The following LRRC4C variants were observed in gnomAD, a reference collection of about 807,000 sequenced individuals.
LRRC4C encodes the protein leucine rich repeat containing 4C.
Under a neutral mutation model 33.6 loss-of-function variants are expected in LRRC4C, and 5 were observed. That is an observed-to-expected ratio of 0.15 (90% CI 0.08 to 0.31). The LOEUF is 0.31. Among genes scored for constraint, LRRC4C ranks in the 10% least tolerant of loss-of-function variants. The pLI, the probability that LRRC4C is intolerant of heterozygous loss-of-function variation, is 1.00. For missense variants in LRRC4C, 560 were observed against 796.7 expected, an observed-to-expected ratio of 0.70 and a Z score of 3.58; for synonymous variants, 329 against 302.0, an observed-to-expected ratio of 1.09 and a Z score of -0.93.
intron 1 of LRRC4C, among the ~76,000 whole-genome samples, chr11:41,346,660 A>T (rs1426001548): frequency 6.6e-6 from 1 of 152,242 alleles, no homozygotes; most frequent in East Asian, 1.9e-4. Context: ...AAAATACTGC[A>T]AATGCACTCC....
intron 1 of LRRC4C, among the ~76,000 whole-genome samples, chr11:41,013,689 T>C (rs1262014128): frequency 6.6e-6 from 1 of 152,210 alleles, no homozygotes. Flanking sequence ...GATCACTGTC[T>C]GGTGTCTCAT....
intron 2 of LRRC4C, among the ~76,000 whole-genome samples, chr11:40,746,912 G>A (rs942573856): frequency 1.3e-5 from 2 of 152,186 alleles, no homozygotes; most frequent in African/African-American, 2.4e-5. Flanking sequence ...AGGAGCCAGA[G>A]GGTCATCCTG....
At chr11:40,915,239 T>C (rs1429570645) in intron 2 of LRRC4C, among the ~76,000 whole-genome samples, 1 of 152,070 alleles carries the variant, frequency 6.6e-6, no homozygotes, top group Non-Finnish European at 1.5e-5. Flanking sequence ...TATTGCCAAG[T>C]CAATCCTGAG....
intron 1 of LRRC4C, among the ~76,000 whole-genome samples, chr11:41,436,268 G>A (rs1014235253): frequency 1.2e-4 from 19 of 152,308 alleles, no homozygotes; most frequent in African/African-American, 4.6e-4. Context: ...ATAGTAATTA[G>A]TAATACTTTG....
intron 1 of LRRC4C, among the ~76,000 whole-genome samples, chr11:41,102,396 A>G (rs553158013): frequency 9.2e-5 from 14 of 152,224 alleles, no homozygotes; most frequent in African/African-American, 3.4e-4. Flanking sequence ...AAAGAAAAAG[A>G]TTAAGTAGTT....
At chr11:40,366,122 A>AT (rs1338134902) in intron 3 of LRRC4C, among the ~76,000 whole-genome samples, 39 of 152,112 alleles carry the variant, frequency 2.6e-4, no homozygotes, top group African/African-American at 7.7e-4. Context: ...ACAAAGTTAG[A>AT]TTTTTCCTAA....
At chr11:40,539,494 T>A (rs527311388) in intron 3 of LRRC4C, among the ~76,000 whole-genome samples, 1 of 152,264 alleles carries the variant, frequency 6.6e-6, no homozygotes, top group African/African-American at 2.4e-5. Flanking sequence ...GCTCTATCAT[T>A]TTTTTTCAGT....
intron 1 of LRRC4C, among the ~76,000 whole-genome samples, chr11:41,211,654 T>C (rs1185797518): frequency 6.6e-6 from 1 of 152,190 alleles, no homozygotes; most frequent in African/African-American, 2.4e-5. Context: ...ACAAAGGACA[T>C]GAAGTCATCA....
At chr11:41,220,421 G>T (rs1455237112) in intron 1 of LRRC4C, among the ~76,000 whole-genome samples, 1 of 151,516 alleles carries the variant, frequency 6.6e-6, no homozygotes, top group Non-Finnish European at 1.5e-5. Context: ...TATCTGCTGT[G>T]CAACATTCAA....
chr11:41,335,767 C>G (rs1428967184), intron 1 of LRRC4C, among the ~76,000 whole-genome samples: 3 of 152,174 alleles, frequency 2.0e-5, no homozygotes, highest in Non-Finnish European at 4.4e-5. Context: ...TACAATCTCC[C>G]TCTCCTCCGT....
chr11:40,813,110 G>A (rs1348114646), intron 2 of LRRC4C, among the ~76,000 whole-genome samples: 1 of 152,124 alleles, frequency 6.6e-6, no homozygotes, highest in Non-Finnish European at 1.5e-5. Context: ...ACAAAATGAT[G>A]CCAGAATAAA....
At chr11:41,248,627 ATCT>A (rs1224139694) in intron 1 of LRRC4C, among the ~76,000 whole-genome samples, 19 of 152,080 alleles carry the variant, frequency 1.2e-4, no homozygotes, top group Admixed American at 6.5e-5. Context: ...CAGATCTATA[ATCT>A]TCTTTTATTA....
chr11:40,409,126 G>T (rs1269924803), intron 3 of LRRC4C, among the ~76,000 whole-genome samples: 1 of 151,818 alleles, frequency 6.6e-6, no homozygotes, highest in Non-Finnish European at 1.5e-5. Context: ...TTTGACAAAG[G>T]TGCCAAGAAT....
At chr11:41,101,632 C>T (rs1234036987) in intron 1 of LRRC4C, among the ~76,000 whole-genome samples, 2 of 152,144 alleles carry the variant, frequency 1.3e-5, no homozygotes, top group Admixed American at 6.6e-5. Context: ...TTCCACCCAG[C>T]GATCCCATTA....
At chr11:41,226,777 C>CACACACACACACACACACA (rs1565496331) in intron 1 of LRRC4C, among the ~76,000 whole-genome samples, 2 of 150,604 alleles carry the variant, frequency 1.3e-5, no homozygotes, top group East Asian at 2.0e-4. Context: ...CACACACACA[C>CACACACACACACACACACA]CCTTCTCTCT....
At chr11:41,413,758 C>T (rs1028712020) in intron 1 of LRRC4C, among the ~76,000 whole-genome samples, 1 of 152,086 alleles carries the variant, frequency 6.6e-6, no homozygotes, top group Admixed American at 6.6e-5. Context: ...AGTCAAAAAG[C>T]AAAAATTGCG....
chr11:40,212,225 T>C (rs558938858), intron 5 of LRRC4C, among the ~76,000 whole-genome samples: 25 of 152,294 alleles, frequency 1.6e-4, no homozygotes, highest in African/African-American at 5.8e-4. Context: ...ATTGTTCTTG[T>C]TGCAGTTGTT....
intron 1 of LRRC4C, among the ~76,000 whole-genome samples, chr11:41,110,893 T>C (rs768167599): frequency 1.2e-4 from 18 of 152,038 alleles, no homozygotes; most frequent in Non-Finnish European, 2.5e-4. Flanking sequence ...AGCATCCGAG[T>C]AACCTGGAGA....
At chr11:40,176,168 T>C (rs1048346445) in intron 5 of LRRC4C, among the ~76,000 whole-genome samples, 3 of 152,178 alleles carry the variant, frequency 2.0e-5, no homozygotes, top group African/African-American at 7.2e-5. Flanking sequence ...GTAAGGAGAA[T>C]ATGACCAAAT....
Sources: allele counts gnomAD v4.1 joint callset (sites outside exome capture counted in the v4.1 genomes callset), GRCh38; gene constraint gnomAD v4.1.1; transcripts MANE v1.5; gene names NCBI Gene and HGNC (gene_info 2026-07-23, HGNC 2026-07-21).